The following DPP7 variants were observed in gnomAD, a reference collection of about 807,000 sequenced individuals.
The protein encoded by DPP7 is dipeptidyl peptidase 7, also known as dipeptidyl peptidase 2.
DPP7 carries 74 observed loss-of-function variants against 58.8 expected under a neutral mutation model. That is an observed-to-expected ratio of 1.26 (90% CI 1.04 to 1.53). DPP7 has a LOEUF of 1.53. Ranked by LOEUF, DPP7 falls within the 40% of genes most tolerant of loss-of-function variation. The probability of loss-of-function intolerance (pLI) is 0.00; values close to 1 mark genes in which losing one functional copy is unlikely to be tolerated. For synonymous variants in DPP7, 350 were observed against 303.6 expected (o/e 1.15, Z -1.59); for missense variants, 807 against 692.3 (o/e 1.17, Z -1.86).
At position 137,114,455 on chromosome 9, in the gene DPP7, G is replaced by C. The variant is rs1285428057; in HGVS notation, c.181+8C>G. 6.4e-7 allele frequency: 1 copy of C among 1,561,820 alleles called. No individual in the cohort carries two copies. On this transcript the variant is annotated splice_region_variant and intron_variant, in intron 2 of 12. Transcript: ENST00000371579. ...GCGGGGGCGGCCGGGCCGGGGCCGG[G>C]GTCTCACCCGACACCAGGAAGCGCT...
At chr9:137,113,146 G>A (rs117984865) in intron 6 of DPP7, 27 bp from the exon 7 acceptor site, 4 of 1,613,816 alleles carry the variant, frequency 2.5e-6, no homozygotes, top group East Asian at 4.5e-5. Flanking sequence ...GAGACTTGAA[G>A]TTTGGGCATA....
In DPP7 at chr9:137,110,955, G is replaced by T; in HGVS notation, c.1273-5C>A. The T allele has an allele frequency of 6.2e-7, 1 of 1,612,848 alleles. No homozygotes were observed. Among genetic ancestry groups the T allele is most frequent in the Non-Finnish European group, 8.5e-7 (1 of 1,179,788 alleles). ...GGCACTCAGGTTCCTCCGAATCTGTGGTCAGTGGAAAGAACTCCATCAGGT... is the reference window on the plus strand; with the variant it reads ...GGCACTCAGGTTCCTCCGAATCTGTTGTCAGTGGAAAGAACTCCATCAGGT... On this transcript the variant is annotated splice_polypyrimidine_tract_variant and splice_region_variant and intron_variant, in intron 11 of 12. Coordinates refer to ENST00000371579, the MANE Select transcript of DPP7 (RefSeq NM_013379.3).
chr9:137,112,360 G>A lies in DPP7; in HGVS notation c.932-130C>T, dbSNP rs1264935903. On this transcript the variant is annotated intron_variant, in intron 8 of 12. Coordinates refer to ENST00000371579, the MANE Select transcript of DPP7 (RefSeq NM_013379.3). Reference sequence around the variant, plus strand: ...CTCTGGGATCTGTAGGTCCCAGTGAGGAAGGCCCTCCAGGCTACCTGCTTG... The same window carrying A: ...CTCTGGGATCTGTAGGTCCCAGTGAAGAAGGCCCTCCAGGCTACCTGCTTG... 3 of 779,100 alleles carry A rather than the reference G, an allele frequency of 3.9e-6. No individual in the cohort carries two copies. In the Admixed American group the frequency reaches 8.6e-5, roughly 22 times the overall value. The allele number at this position is 779,100 out of a possible 1,614,324, so 48.3% of individuals were successfully genotyped here.
intron 11 of DPP7, 77 bp downstream of exon 11, chr9:137,111,612 TG>T: frequency 6.6e-7 from 1 of 1,522,752 alleles, no homozygotes. Context: ...TATTCCAGCC[TG>T]GGCGCCAGAG....
rs1481977261 is a variant in DPP7 at position 137,113,342 on chromosome 9, G to A, written c.621+19C>T. 7 of 1,612,594 alleles carry A rather than the reference G, an allele frequency of 4.3e-6. No individual in the cohort carries two copies. The highest frequency in any genetic ancestry group is 1.3e-5 in the African/African-American group (1 of 75,012). On this transcript the variant is annotated intron_variant, in intron 5 of 12. Coordinates refer to ENST00000371579, the MANE Select transcript of DPP7 (RefSeq NM_013379.3). ...CTGCTGTCCCTTAGGGGGCCTGGAG[G>A]ACCCCAAGCCTCACTCACCGCCGTG...
chr9:137,112,278 GCGGGCTCCGGCCACCAACCTGTCCCCCCT>G, intron 8 of DPP7, 48 bp from the exon 9 acceptor site: 1 of 1,468,816 alleles, frequency 6.8e-7, no homozygotes, highest in Non-Finnish European at 9.2e-7. Context: ...CAGACACACC[GCGGGCTCCGGCCACCAACCTGTCCCCCCT>G]CGGAATGGTC....
At chr9:137,117,372 A>G (rs1007216176), upstream of DPP7, among the ~76,000 whole-genome samples, 2 of 152,228 alleles carry the variant, frequency 1.3e-5, no homozygotes, top group Admixed American at 1.3e-4. Flanking sequence ...ATGCCTGTGC[A>G]GACACCCCCG....
chr9:137,113,332 G>A, intron 5 of DPP7, 29 bp downstream of exon 5: 3 of 1,612,916 alleles, frequency 1.9e-6, no homozygotes, highest in Non-Finnish European at 2.5e-6. Flanking sequence ...GTCCCTTAGG[G>A]GGCCTGGAGG....
At chr9:137,110,833 C>T (rs773585812) in intron 12 of DPP7, 47 bp downstream of exon 12, 23 of 1,602,356 alleles carry the variant, frequency 1.4e-5, no homozygotes, top group Middle Eastern at 1.7e-4. Context: ...CTCGGTGAGC[C>T]TGTCCCGCCC....
rs1464724649 is a variant in DPP7, at chr9:137,113,719, G to A, written c.485+146C>T. 9 of 1,422,192 alleles carry A rather than the reference G, an allele frequency of 6.3e-6. No individual in the cohort carries two copies. The African/African-American group carries it at 1.2e-4, about 18-fold the overall frequency. 88.1% of individuals were successfully genotyped at this position (1,422,192 alleles called of 1,614,324 possible). On this transcript the variant is annotated intron_variant, in intron 4 of 12. Transcript: ENST00000371579. ...GGAGGACAGGTGGGAGGGCTTCCTG[G>A]GGGAGGCAACACTAAGCCTGGAACC...
chr9:137,112,873 G>GA, intron 7 of DPP7, 68 bp from the exon 8 acceptor site: 1 of 1,601,730 alleles, frequency 6.2e-7, no homozygotes, highest in Non-Finnish European at 8.5e-7. Flanking sequence ...TGGCTCCCAG[G>GA]ATGAGGGTCA....
rs1440947117 is a variant in DPP7 at position 137,113,015 on chromosome 9, C to T, written c.808G>A (p.Ala270Thr). The T allele has an allele frequency of 1.9e-6, 3 of 1,613,666 alleles. No individual in the cohort carries two copies. The highest frequency in any genetic ancestry group is 2.2e-5 in the East Asian group (1 of 44,888). The stretch of plus-strand genomic sequence containing the variant: ...GTGGGGTAGGGGTAGTCCATCATGG[C>T]CAGCACGGTGAAGGCATTCCGGGCG... ...MFARNAFTVL[A>T]MMDYPYPTDF... is the part of the protein sequence containing the mutation. The change falls in exon 7 of 13, where the codon GCC becomes ACC. Residue 270 changes from alanine to threonine, a missense_variant. Physicochemically the swap from Ala to Thr is moderately conservative, Grantham distance 58. Coordinates refer to ENST00000371579, the MANE Select transcript of DPP7 (RefSeq NM_013379.3).
upstream of DPP7, among the ~76,000 whole-genome samples, chr9:137,117,679 A>G (rs1344984674): frequency 2.6e-5 from 4 of 152,228 alleles, no homozygotes; most frequent in Non-Finnish European, 4.4e-5. Flanking sequence ...CTGAAAGGCT[A>G]TCGGCGGGCG....
chr9:137,113,132 G>T lies in DPP7; in HGVS notation c.704-13C>A. ...ACCGTGTCGTAGGCTGCGTGGAAGG[G>T]GCAGAGACTTGAAGTTTGGGCATAG... On this transcript the variant is annotated splice_polypyrimidine_tract_variant and intron_variant, in intron 6 of 12. Transcript: ENST00000371579. The T allele has an allele frequency of 6.2e-7, 1 of 1,613,784 alleles. No homozygotes were observed. The highest frequency in any genetic ancestry group is 8.5e-7 in the Non-Finnish European group (1 of 1,180,012).
At chr9:137,112,455 AG>A (rs891966246) in intron 8 of DPP7, 1 of 623,756 alleles carries the variant, frequency 1.6e-6, no homozygotes, top group African/African-American at 1.8e-5. Flanking sequence ...TCCACGGGGC[AG>A]GGTGGGGCCT....
intron 11 of DPP7, 102 bp downstream of exon 11, chr9:137,111,588 T>C: frequency 7.4e-7 from 1 of 1,353,604 alleles, no homozygotes; most frequent in Non-Finnish European, 1.0e-6. Context: ...CAGTGAACCC[T>C]GATCTCGCCA....
At chr9:137,112,289 C>T in intron 8 of DPP7, 59 bp from the exon 9 acceptor site, 10 of 1,388,090 alleles carry the variant, frequency 7.2e-6, no homozygotes, top group Non-Finnish European at 9.8e-6. Context: ...CGGGCTCCGG[C>T]CACCAACCTG....
intron 8 of DPP7, chr9:137,112,463 G>A: frequency 1.6e-6 from 1 of 624,446 alleles, no homozygotes; most frequent in Non-Finnish European, 2.8e-6. Context: ...GCAGGGTGGG[G>A]CCTGCTGCCC....
chr9:137,112,219 T>C lies in DPP7; in HGVS notation c.943A>G (p.Asn315Asp). The C allele has an allele frequency of 6.2e-7, 1 of 1,600,010 alleles. No homozygotes were observed. Among genetic ancestry groups the C allele is most frequent in the South Asian group, 1.1e-5 (1 of 90,756 alleles). ...GLRALAGLVYNASGSEHCYDI... is the reference protein window; with the variant it reads ...GLRALAGLVYDASGSEHCYDI... ...TAGCAGTGCTCGGAGCCCGAGGCGT[T>C]GTAGACCAGCCCTGGGGAGGAGAGG... Residue 315 changes from asparagine (N) to aspartate (D), a missense_variant, in exon 9 of 13, where the codon AAC becomes GAC. Asn to Asp is a conservative substitution (Grantham distance 23, BLOSUM62 1). Around this residue, in one of 3 missense-constraint regions of DPP7, gnomAD observed 624 missense variants for 531.2 expected, o/e 1.17. Coordinates refer to ENST00000371579, the MANE Select transcript of DPP7 (RefSeq NM_013379.3).
Sources: gnomAD v4.1 joint callset for allele counts (sites outside exome capture counted in the v4.1 genomes callset) on GRCh38, gnomAD v4.1.1 for gene constraint, gnomAD v4.1.1 regional missense constraint, MANE v1.5 for transcripts, NCBI Gene and HGNC (gene_info 2026-07-23, HGNC 2026-07-21) for gene names.